The following RTTN variants were observed in gnomAD, a reference collection of about 807,000 sequenced individuals.
RTTN encodes rotatin.
A neutral mutation model predicts 269.2 loss-of-function variants in RTTN; 182 were observed. The ratio of observed to expected loss-of-function variants is 0.68; its 90% confidence interval spans 0.60 to 0.76. The LOEUF is 0.76. RTTN is among the 30% of genes least tolerant of loss of function. RTTN has a pLI of 0.00. For missense variants in RTTN, 2,545 were observed against 2,608.6 expected, an observed-to-expected ratio of 0.98 and a Z score of 0.53; for synonymous variants, 1,006 against 963.5, an observed-to-expected ratio of 1.04 and a Z score of -0.82.
chr18:70,031,774 A>G (rs1157533654), intron 40 of RTTN, among the ~76,000 whole-genome samples: 2 of 151,404 alleles, frequency 1.3e-5, no homozygotes, highest in African/African-American at 4.9e-5. Flanking sequence ...GCACACTCCT[A>G]GCAGATCTTC....
intron 39 of RTTN, among the ~76,000 whole-genome samples, chr18:70,048,554 GTGT>G (rs1303530209): frequency 1.3e-5 from 2 of 152,126 alleles, no homozygotes; most frequent in Non-Finnish European, 2.9e-5. Context: ...AAAATTACAT[GTGT>G]TGTTTTACAT....
chr18:70,143,279 T>G (rs2060305774), intron 18 of RTTN, among the ~76,000 whole-genome samples: 1 of 152,062 alleles, frequency 6.6e-6, no homozygotes, highest in Non-Finnish European at 1.5e-5. Flanking sequence ...CATTCTACCA[T>G]AAAGACACAT....
intron 25 of RTTN, among the ~76,000 whole-genome samples, chr18:70,124,950 G>A (rs1286759210): frequency 6.6e-6 from 1 of 152,056 alleles, no homozygotes; most frequent in Non-Finnish European, 1.5e-5. Flanking sequence ...CTAGTTGAAA[G>A]AAGACTCTAG....
At chr18:70,171,981 G>A (rs1323404371) in intron 11 of RTTN, among the ~76,000 whole-genome samples, 2 of 152,190 alleles carry the variant, frequency 1.3e-5, no homozygotes, top group East Asian at 1.9e-4. Flanking sequence ...TAAAGACCTT[G>A]TGTTACAAAT....
intron 20 of RTTN, 167 bp from the exon 21 acceptor site, chr18:70,139,883 GTA>G (rs2060213592): frequency 1.6e-6 from 1 of 616,270 alleles, no homozygotes; most frequent in Non-Finnish European, 2.9e-6. Flanking sequence ...AGTAAGTTTC[GTA>G]TATACTTCTA....
intron 21 of RTTN, among the ~76,000 whole-genome samples, chr18:70,136,563 T>C (rs1462433575): frequency 6.6e-6 from 1 of 151,828 alleles, no homozygotes; most frequent in Non-Finnish European, 1.5e-5. Flanking sequence ...AAGTAATCCA[T>C]AGATGAAGAA....
intron 11 of RTTN, among the ~76,000 whole-genome samples, chr18:70,175,045 C>CAAAAAAAAAA (rs5825998): frequency 6.8e-4 from 59 of 86,774 alleles, no homozygotes; most frequent in Non-Finnish European, 9.6e-4. Flanking sequence ...AAACCAAAAC[C>CAAAAAAAAAA]AAAAAAAAAA....
At chr18:70,164,359 A>G (rs1359686467) in intron 14 of RTTN, among the ~76,000 whole-genome samples, 1 of 151,558 alleles carries the variant, frequency 6.6e-6, no homozygotes, top group Admixed American at 6.6e-5. Flanking sequence ...CTACAGGCAC[A>G]TGCCACCATG....
Position 70,057,788 on chromosome 18 carries a change from CT to C in RTTN, c.4984del (p.Arg1662GlufsTer42). 1 of 1,613,848 alleles carries C rather than the reference CT, an allele frequency of 6.2e-7. No individual in the cohort carries two copies. On this transcript the variant is annotated frameshift_variant, in exon 37 of 49. Transcript: ENST00000640769. LOFTEE classifies it high-confidence loss of function. ...TLIQTCVQELRALLPSSPPAE... is the reference protein window; with the variant it reads ...TLIQTCVQELXALLPSSPPAE... ...TGGAGGTGATGAAGGCAGCAGGGCT[CT>C]GAGTTCCTGGACACATGTCTGTATG...
chr18:70,058,605 T>C (rs1186241594), intron 36 of RTTN, among the ~76,000 whole-genome samples: 1 of 152,172 alleles, frequency 6.6e-6, no homozygotes, highest in Non-Finnish European at 1.5e-5. Flanking sequence ...TACGGAAATA[T>C]GATAAGCCTT....
At chr18:70,160,669 A>G (rs891048973) in intron 14 of RTTN, among the ~76,000 whole-genome samples, 33 of 151,874 alleles carry the variant, frequency 2.2e-4, no homozygotes, top group South Asian at 4.1e-4. Context: ...AAAAAAAAAA[A>G]AAAAAAGAAA....
At position 70,111,024 on chromosome 18, in the gene RTTN, G is replaced by T. The variant is rs547106980; in HGVS notation, c.3684-1307C>A. Among the ~76,000 whole-genome samples the T allele has an allele frequency of 2.6e-5, 4 of 152,362 alleles. No individual in the cohort carries two copies. The East Asian group carries it at 7.7e-4, about 29-fold the overall frequency. ...AGATTGCCAGATTTCCCTTGTCTGG[G>T]CAGGGCATCTCTGAAAAAGTGGCAG... On this transcript the variant is annotated intron_variant, in intron 27 of 48. Transcript: ENST00000640769.
chr18:70,039,507 C>G (rs76144722), intron 40 of RTTN, among the ~76,000 whole-genome samples: 2,673 of 151,856 alleles, frequency 0.018, 75 homozygotes, highest in African/African-American at 0.061. Flanking sequence ...CTTAGACAAA[C>G]AAAAGCTGAA....
At chr18:70,069,045 A>T (rs1331509438) in intron 34 of RTTN, among the ~76,000 whole-genome samples, 1 of 152,170 alleles carries the variant, frequency 6.6e-6, no homozygotes, top group Non-Finnish European at 1.5e-5. Flanking sequence ...TTGGTCAAAG[A>T]GTGCAAACTT....
intron 46 of RTTN, among the ~76,000 whole-genome samples, chr18:70,009,355 C>A (rs1412244425): frequency 6.6e-6 from 1 of 152,092 alleles, no homozygotes; most frequent in Non-Finnish European, 1.5e-5. Context: ...CCAGGCTGGT[C>A]TCAGACTCTG....
chr18:70,100,481 G>C (rs2059129531), intron 28 of RTTN, among the ~76,000 whole-genome samples: 1 of 152,230 alleles, frequency 6.6e-6, no homozygotes, highest in Admixed American at 6.5e-5. Flanking sequence ...ATTTTGGGCT[G>C]AGACGATGGG....
chr18:70,099,847 C>T (rs937771304), intron 28 of RTTN, among the ~76,000 whole-genome samples: 7 of 152,168 alleles, frequency 4.6e-5, no homozygotes, highest in African/African-American at 1.7e-4. Context: ...AATGCTTTCC[C>T]CATTTCTTCT....
chr18:70,041,459 T>A (rs1423842834), intron 40 of RTTN, among the ~76,000 whole-genome samples: 2 of 151,754 alleles, frequency 1.3e-5, no homozygotes, highest in Non-Finnish European at 2.9e-5. Flanking sequence ...CTTGGGAAAC[T>A]TGAATTCTAA....
At chr18:70,197,249 C>T (rs146009501) in intron 6 of RTTN, among the ~76,000 whole-genome samples, 9 of 152,276 alleles carry the variant, frequency 5.9e-5, no homozygotes, top group East Asian at 1.9e-4. Flanking sequence ...CGTTACTCAC[C>T]GCTACTGTAT....
Sources: allele counts gnomAD v4.1 joint callset (sites outside exome capture counted in the v4.1 genomes callset), GRCh38; gene constraint gnomAD v4.1.1; transcripts MANE v1.5; gene names NCBI Gene and HGNC (gene_info 2026-07-23, HGNC 2026-07-21).